Variants in CFP observed in about 807,000 individuals in gnomAD.
The protein encoded by CFP is properdin.
CFP carries 14 observed loss-of-function variants against 42.1 expected under a neutral mutation model. That is an observed-to-expected ratio of 0.33 (90% CI 0.22 to 0.52). The LOEUF is 0.52. Ranked by LOEUF, CFP falls within the 20% of genes least tolerant of loss-of-function variation. The pLI is 0.96. For synonymous variants in CFP, 149 were observed against 160.6 expected (o/e 0.93, Z 0.54); for missense variants, 318 against 400.4 (o/e 0.79, Z 1.76).
At position 47,626,424 on chromosome X, in the gene CFP, G is replaced by A; in HGVS notation, c.1036C>T (p.Arg346Cys). 5.0e-6 allele frequency: 6 copies of A among 1,211,622 alleles called. No homozygotes were observed. In the Middle Eastern group the frequency reaches 6.9e-4, roughly 139 times the overall value. Residue 346 changes from arginine to cysteine, a missense_variant, in exon 7 of 9, where the codon CGC becomes TGC. Arg to Cys is a radical substitution (Grantham distance 180). Coordinates refer to ENST00000396992, the MANE Select transcript of CFP (RefSeq NM_001145252.3). ...TTGCGGCCCCTGCAGGTCCTCCCGCGTGACTGCTGGCCCGGGATTTCTTGA... is the reference window on the plus strand; with the variant it reads ...TTGCGGCCCCTGCAGGTCCTCCCGCATGACTGCTGGCCCGGGATTTCTTGA... ...SCQEIPGQQS[R>C]GRTCRGRKFD...
chrX:47,629,243 T>C, intron 2 of CFP: 1 of 341,181 alleles, frequency 2.9e-6, no homozygotes, highest in South Asian at 5.7e-5. Flanking sequence ...ACATGTTTGG[T>C]TGTCACAGCT....
At position 47,626,915 on chromosome X, in the gene CFP, C is replaced by T; in HGVS notation, c.798G>A (p.Val266=). 1 of 1,190,005 alleles carries T rather than the reference C, an allele frequency of 8.4e-7. No homozygotes were observed. Among genetic ancestry groups the T allele is most frequent in the Non-Finnish European group, 1.1e-6 (1 of 884,274 alleles). ...VAGGWGPWGP[V]SPCPVTCGLG... ...GGCCACAGGTCACAGGGCAGGGGCTCACAGGGCCCCAAGGCCCCCAGCCCC... is the reference window on the plus strand; with the variant it reads ...GGCCACAGGTCACAGGGCAGGGGCTTACAGGGCCCCAAGGCCCCCAGCCCC... Residue 266 remains valine, a synonymous_variant, in exon 6 of 9, where the codon GTG becomes GTA. Transcript: ENST00000396992.
In CFP at chrX:47,627,260, G is replaced by A; in HGVS notation, c.647C>T (p.Pro216Leu). 1 of 1,209,716 alleles carries A rather than the reference G, an allele frequency of 8.3e-7. No individual in the cohort carries two copies. ...SASCHGGPHE[P>L]KETRSRKCSA... ...ACACTTGCGGCTTCGTGTCTCCTTA[G>A]GTTCGTGGGGTCCACCGTGGCAGGA... The change falls in exon 5 of 9, where the codon CCT becomes CTT. Residue 216 changes from proline (P) to leucine (L), a missense_variant. Coordinates refer to ENST00000396992, the MANE Select transcript of CFP (RefSeq NM_001145252.3).
In CFP at chrX:47,629,788, C is replaced by T. The variant is rs1206333327; in HGVS notation, c.57G>A (p.Leu19=). 2 of 1,166,925 alleles carry T rather than the reference C, an allele frequency of 1.7e-6. No homozygotes were observed. Among genetic ancestry groups the T allele is most frequent in the African/African-American group, 1.8e-5 (1 of 55,595 alleles). Residue 19 remains leucine, a synonymous_variant, in exon 1 of 9, where the codon CTG becomes CTA. Coordinates refer to ENST00000396992, the MANE Select transcript of CFP (RefSeq NM_001145252.3). ...PRLLLPPLLL[L]LTLPATGSDP... ...CCTCACCTGTGGCTGGCAGGGTGAG[C>T]AGCAGGAGCAGCGGCGGCAGCAACA...
At chrX:47,625,766 G>A in intron 8 of CFP, 1 of 374,562 alleles carries the variant, frequency 2.7e-6, no homozygotes, top group East Asian at 4.9e-5. Flanking sequence ...GGAGGCCTGA[G>A]TGATGGCAGC....
chrX:47,627,584 T>C lies in CFP; in HGVS notation c.461A>G (p.Lys154Arg). 8.3e-7 allele frequency: 1 copy of C among 1,203,751 alleles called. No homozygotes were observed. Among genetic ancestry groups the C allele is most frequent in the Non-Finnish European group, 1.1e-6 (1 of 891,566 alleles). Residue 154 changes from lysine to arginine, a missense_variant, in exon 4 of 9, where the codon AAA becomes AGA. By Grantham distance (26) the Lys-to-Arg change is conservative. Transcript: ENST00000396992. ...PWEPCSVTCS[K>R]GTRTRRRACN... Reference sequence around the variant, plus strand: ...GGCTCGCCTGCGGGTCCGGGTCCCTTTGGAGCAGGTGACAGAGCAAGGCTC... The same window carrying C: ...GGCTCGCCTGCGGGTCCGGGTCCCTCTGGAGCAGGTGACAGAGCAAGGCTC...
At chrX:47,625,930 G>GGGAGGT in intron 8 of CFP, 128 bp downstream of exon 8, 1 of 548,344 alleles carries the variant, frequency 1.8e-6, no homozygotes, top group African/African-American at 2.3e-5. Flanking sequence ...TCCTGCAGCT[G>GGGAGGT]GGAGGTGGCA....
rs200004565 is a variant in CFP at position 47,629,496 on chromosome X, C to G, written c.227+28G>C. 266 of 766,583 alleles carry G rather than the reference C, an allele frequency of 3.5e-4. No individual in the cohort carries two copies. The East Asian group carries it at 8.2e-3, about 24-fold the overall frequency. 63.2% of individuals were successfully genotyped at this position (766,583 alleles called of 1,213,427 possible). A position where few individuals can be genotyped will look rare whatever the true frequency, so the allele number is the denominator to read the frequency against. The stretch of plus-strand genomic sequence containing the variant: ...CCCACAGACAGTCCTTCCCTCCCCC[C>G]CATCCCCCACCCCAGGCTCCCCCTA... On this transcript the variant is annotated intron_variant, in intron 2 of 8. Coordinates refer to ENST00000396992, the MANE Select transcript of CFP (RefSeq NM_001145252.3).
rs752027963 is a variant in CFP at position 47,626,168 on chromosome X, C to T, written c.1134G>A (p.Leu378=). 1 of 1,163,561 alleles carries T rather than the reference C, an allele frequency of 8.6e-7. No individual in the cohort carries two copies. The highest frequency in any genetic ancestry group is 2.5e-5 in the Admixed American group (1 of 39,668). The change falls in exon 8 of 9, where the codon TTG becomes TTA. Residue 378 remains leucine (L), a splice_region_variant and synonymous_variant. Coordinates refer to ENST00000396992, the MANE Select transcript of CFP (RefSeq NM_001145252.3). ...RHCYSIQHCP[L]KGSWSEWSTW... ...TACTCCACTCTGACCATGATCCTTT[C>T]ACTGCAATGAGGGGTAGGGGTCACA...
In CFP at chrX:47,624,404, C is replaced by CTTCTCGCCCT; in HGVS notation, c.1271_1280dup (p.Asn428GlyfsTer16). ...GCGGTCTCCCCCAGAAGGTCACGTT[C>CTTCTCGCCCT]TTCTCGCCCTGACCTTCGACCATGG... On this transcript the variant is annotated frameshift_variant, in exon 9 of 9. Transcript: ENST00000396992. LOFTEE classifies it high-confidence loss of function. 8.3e-7 allele frequency: 1 copy of CTTCTCGCCCT among 1,210,787 alleles called. No homozygotes were observed. The highest frequency in any genetic ancestry group is 1.1e-6 in the Non-Finnish European group (1 of 895,090).
At chrX:47,625,768 G>A in intron 8 of CFP, 1 of 376,694 alleles carries the variant, frequency 2.7e-6, no homozygotes, top group South Asian at 3.4e-5. Flanking sequence ...AGGCCTGAGT[G>A]ATGGCAGCTA....
At position 47,629,688 on chromosome X, in the gene CFP, A is replaced by C; in HGVS notation, c.77-14T>G. The C allele has an allele frequency of 5.9e-6, 2 of 341,761 alleles. No individual in the cohort carries two copies. The highest frequency in any genetic ancestry group is 1.1e-5 in the Non-Finnish European group (2 of 181,293). 28.2% of individuals were successfully genotyped at this position (341,761 alleles called of 1,213,427 possible). A position where few individuals can be genotyped will look rare whatever the true frequency, so the allele number is the denominator to read the frequency against. ...CGGGGTCTGAGCCTGTAACAGGGCC[A>C]GGGGATGGGTGGGTGGGGCTCGGTC... is the stretch of plus-strand genomic sequence containing the variant. On this transcript the variant is annotated splice_polypyrimidine_tract_variant and intron_variant, in intron 1 of 8. Transcript: ENST00000396992.
intron 2 of CFP, 51 bp downstream of exon 2, chrX:47,629,473 C>T (rs1395808767): frequency 2.0e-6 from 2 of 1,022,928 alleles, no homozygotes; most frequent in Admixed American, 5.2e-5. Context: ...GGGTGACCCC[C>T]ACAGACAGTC....
In CFP at chrX:47,626,466, T is replaced by C; in HGVS notation, c.994A>G (p.Met332Val). The change falls in exon 7 of 9, where the codon ATG becomes GTG. Residue 332 changes from methionine (M) to valine (V), a missense_variant. Physicochemically the swap from Met to Val is conservative, Grantham distance 21 (BLOSUM62 1). Transcript: ENST00000396992. The stretch of plus-strand genomic sequence containing the variant: ...ATTTCTTGACAGCTGATGGACTTCA[T>C]GTTCCGTCGGATACAGGGGCTCCAC... ...GEWSPCIRRN[M>V]KSISCQEIPG... 3 of 1,211,732 alleles carry C rather than the reference T, an allele frequency of 2.5e-6. No homozygotes were observed. Among genetic ancestry groups the C allele is most frequent in the East Asian group, 3.0e-5 (1 of 33,842 alleles).
At position 47,626,824 on chromosome X, in the gene CFP, C is replaced by A; in HGVS notation, c.889G>T (p.Ala297Ser). ...ATGTGGGTCCGGGTGGCATCGCCAG[C>A]ACAGAAGGGGCCCCCATGCTGGGGC... ...PVPQHGGPFC[A>S]GDATRTHICN... The change falls in exon 6 of 9, where the codon GCT becomes TCT. Residue 297 changes from alanine (A) to serine (S), a missense_variant. Coordinates refer to ENST00000396992, the MANE Select transcript of CFP (RefSeq NM_001145252.3). The A allele has an allele frequency of 1.7e-6, 2 of 1,211,553 alleles. No individual in the cohort carries two copies. Among genetic ancestry groups the A allele is most frequent in the Non-Finnish European group, 2.2e-6 (2 of 895,220 alleles).
Position 47,624,248 on chromosome X carries a change from G to T in CFP, c.*27C>A. 3.3e-6 allele frequency: 4 copies of T among 1,206,879 alleles called. No individual in the cohort carries two copies. The highest frequency in any genetic ancestry group is 4.5e-6 in the Non-Finnish European group (4 of 891,194). ...TAGTTTATTGAGGTTTGGAAGGTCA[G>T]GGGGCTCAGAGTGGAGGAGAGAAGT... On this transcript the variant is annotated 3_prime_UTR_variant, in exon 9 of 9. Coordinates refer to ENST00000396992, the MANE Select transcript of CFP (RefSeq NM_001145252.3).
Position 47,625,424 on chromosome X carries a change from C to T in CFP, c.1244+634G>A, listed in dbSNP as rs557918263. The stretch of plus-strand genomic sequence containing the variant: ...CTCTAACACCTGGGCCCCTCTGGCA[C>T]CTGGAAACACTTATAGCGGCTAATC... On this transcript the variant is annotated intron_variant, in intron 8 of 8. Transcript: ENST00000396992. The T allele has an allele frequency of 1.0e-4, 12 of 118,364 alleles. No individual in the cohort carries two copies. In the South Asian group the frequency reaches 3.4e-3, roughly 33 times the overall value. 9.8% of individuals were successfully genotyped at this position (118,364 alleles called of 1,213,427 possible).
intron 6 of CFP, 54 bp from the exon 7 acceptor site, chrX:47,626,573 G>A (rs1352950569): frequency 8.5e-7 from 1 of 1,171,411 alleles, no homozygotes; most frequent in Admixed American, 2.2e-5. Flanking sequence ...CAGCAAGGGG[G>A]TTCAGAGGAA....
rs1342033933 is a variant in CFP, at chrX:47,623,331, T to C, written c.*944A>G. The C allele has an allele frequency of 8.9e-6, 1 of 112,252 alleles. No homozygotes were observed. The highest frequency in any genetic ancestry group is 1.9e-5 in the Non-Finnish European group (1 of 53,261). 9.3% of individuals were successfully genotyped at this position (112,252 alleles called of 1,213,427 possible). On this transcript the variant is annotated 3_prime_UTR_variant, in exon 9 of 9. Coordinates refer to ENST00000396992, the MANE Select transcript of CFP (RefSeq NM_001145252.3). ...GAGACACGTAACGCTCTGATTCCTC[T>C]TCTTCTCTATTCTCCGTGATGTCCA... is the stretch of plus-strand genomic sequence containing the variant.
Sources: gnomAD v4.1 joint callset for allele counts on GRCh38, gnomAD v4.1.1 for gene constraint, MANE v1.5 for transcripts, NCBI Gene and HGNC (gene_info 2026-07-23, HGNC 2026-07-21) for gene names.